VPS13B: variants seen among roughly 807,000 people sequenced by gnomAD.
VPS13B encodes the protein vacuolar protein sorting 13 homolog B, also known as intermembrane lipid transfer protein VPS13B.
A neutral mutation model predicts 426.4 loss-of-function variants in VPS13B; 285 were observed. That is an observed-to-expected ratio of 0.67 (90% CI 0.61 to 0.74). The LOEUF (loss-of-function observed/expected upper bound fraction) is 0.74, where lower values mean the gene tolerates loss of function less well. Ranked by LOEUF, VPS13B falls within the 30% of genes least tolerant of loss-of-function variation. The probability of loss-of-function intolerance (pLI) is 0.00; values close to 1 mark genes in which losing one functional copy is unlikely to be tolerated. For synonymous variants in VPS13B, 1,676 were observed against 1,676.4 expected, an observed-to-expected ratio of 1.00 and a Z score of 0.01; for missense variants, 4,537 against 4,782.6, an observed-to-expected ratio of 0.95 and a Z score of 1.51.
chr8:99,549,209 T>C (rs1361388626), intron 30 of VPS13B, among the ~76,000 whole-genome samples: 1 of 152,148 alleles, frequency 6.6e-6, no homozygotes, highest in African/African-American at 2.4e-5. Context: ...ACCAGCATAC[T>C]GTTAAAACAC....
At chr8:99,063,806 A>G (rs980335634) in intron 3 of VPS13B, among the ~76,000 whole-genome samples, 11 of 152,118 alleles carry the variant, frequency 7.2e-5, no homozygotes, top group African/African-American at 2.7e-4. Flanking sequence ...TAACTGGGAG[A>G]CACCTCCCAG....
chr8:99,336,339 C>T (rs1810865374), intron 19 of VPS13B, among the ~76,000 whole-genome samples: 1 of 152,152 alleles, frequency 6.6e-6, no homozygotes, highest in Non-Finnish European at 1.5e-5. Context: ...GGATCCCTTC[C>T]TTACACCTTA....
At chr8:99,343,694 G>T (rs1458341292) in intron 19 of VPS13B, among the ~76,000 whole-genome samples, 2 of 152,144 alleles carry the variant, frequency 1.3e-5, no homozygotes, top group Non-Finnish European at 2.9e-5. Flanking sequence ...ATTTACAATA[G>T]CAGCAACAAC....
At chr8:99,235,882 A>G (rs933350887) in intron 17 of VPS13B, among the ~76,000 whole-genome samples, 3 of 152,238 alleles carry the variant, frequency 2.0e-5, no homozygotes, top group Non-Finnish European at 4.4e-5. Flanking sequence ...CTTCTACAGT[A>G]GAAAACAATG....
intron 23 of VPS13B, 143 bp downstream of exon 23, chr8:99,442,778 G>A (rs1468862807): frequency 2.6e-6 from 2 of 761,286 alleles, no homozygotes; most frequent in Admixed American, 2.3e-5. Flanking sequence ...TGAACTAAGT[G>A]ATGCCATTTA....
chr8:99,229,226 G>C (rs991943082), intron 17 of VPS13B, among the ~76,000 whole-genome samples: 4 of 152,184 alleles, frequency 2.6e-5, no homozygotes, highest in Non-Finnish European at 5.9e-5. Flanking sequence ...ACCCAGCAGG[G>C]ACCTCTGGAA....
intron 17 of VPS13B, among the ~76,000 whole-genome samples, chr8:99,216,661 AGCT>A (rs1479927364): frequency 5.3e-5 from 8 of 151,470 alleles, no homozygotes; most frequent in Non-Finnish European, 1.5e-5. Flanking sequence ...AGTCACATGT[AGCT>A]ATTGGATACT....
At chr8:99,840,846 A>C (rs953479412) in intron 54 of VPS13B, among the ~76,000 whole-genome samples, 2 of 152,220 alleles carry the variant, frequency 1.3e-5, no homozygotes, top group Non-Finnish European at 2.9e-5. Flanking sequence ...AATTTTTATA[A>C]AGAAAAAAAG....
intron 19 of VPS13B, among the ~76,000 whole-genome samples, chr8:99,302,372 G>A (rs878969896): frequency 1.3e-5 from 2 of 152,182 alleles, no homozygotes; most frequent in South Asian, 2.1e-4. Flanking sequence ...CTAACCTACT[G>A]AACATCAGCT....
intron 19 of VPS13B, among the ~76,000 whole-genome samples, chr8:99,296,407 A>G (rs1820045675): frequency 6.6e-6 from 1 of 152,206 alleles, no homozygotes; most frequent in African/African-American, 2.4e-5. Flanking sequence ...ATATATAGGT[A>G]GGACATATGC....
intron 3 of VPS13B, among the ~76,000 whole-genome samples, chr8:99,050,701 T>G (rs1843495420): frequency 6.6e-6 from 1 of 152,170 alleles, no homozygotes; most frequent in Non-Finnish European, 1.5e-5. Context: ...ACCTGTTGTT[T>G]CCTGACTTTT....
In VPS13B at chr8:99,095,364, C is replaced by T. The variant is rs1224630306; in HGVS notation, c.292-948C>T. On this transcript the variant is annotated intron_variant, in intron 3 of 61. Transcript: ENST00000357162. Reference sequence around the variant, plus strand: ...CATCATTCTTTGTACGTGCTACATACGTTGATACTGTTTTGCTTTTGCTTA... The same window carrying T: ...CATCATTCTTTGTACGTGCTACATATGTTGATACTGTTTTGCTTTTGCTTA... Among the ~76,000 whole-genome samples, 9 of 152,130 alleles carry T rather than the reference C, an allele frequency of 5.9e-5. No homozygotes were observed. In the South Asian group the frequency reaches 6.2e-4, roughly 11 times the overall value.
intron 31 of VPS13B, among the ~76,000 whole-genome samples, chr8:99,565,002 G>A (rs532801676): frequency 2.0e-4 from 30 of 152,282 alleles, no homozygotes; most frequent in African/African-American, 7.0e-4. Flanking sequence ...TGTCTGCCAT[G>A]TGCAGTTTGC....
intron 19 of VPS13B, among the ~76,000 whole-genome samples, chr8:99,327,698 T>C (rs971257352): frequency 6.6e-6 from 1 of 152,198 alleles, no homozygotes; most frequent in Non-Finnish European, 1.5e-5. Context: ...ACTTTACAGA[T>C]GACTAACTTA....
chr8:99,500,837 A>C (rs1821191949), intron 25 of VPS13B, among the ~76,000 whole-genome samples: 1 of 152,194 alleles, frequency 6.6e-6, no homozygotes, highest in African/African-American at 2.4e-5. Context: ...TCTGCATTTG[A>C]GACTGAAGCT....
chr8:99,129,704 G>A (rs1398857317), intron 8 of VPS13B, among the ~76,000 whole-genome samples: 1 of 151,972 alleles, frequency 6.6e-6, no homozygotes, highest in African/African-American at 2.4e-5. Flanking sequence ...GTTAAGTACC[G>A]TCCTTTCTGG....
At chr8:99,456,267 C>T (rs926375251) in intron 23 of VPS13B, among the ~76,000 whole-genome samples, 4 of 152,122 alleles carry the variant, frequency 2.6e-5, no homozygotes, top group Non-Finnish European at 5.9e-5. Context: ...CTCCTGGGTT[C>T]AAGTGATTCT....
chr8:99,738,572 T>C (rs1833937131), intron 39 of VPS13B, among the ~76,000 whole-genome samples: 1 of 152,244 alleles, frequency 6.6e-6, no homozygotes, highest in Admixed American at 6.5e-5. Context: ...AAGATGGTCT[T>C]GAAGAATCAA....
At chr8:99,186,820 G>T (rs1290118501) in intron 16 of VPS13B, among the ~76,000 whole-genome samples, 1 of 152,024 alleles carries the variant, frequency 6.6e-6, no homozygotes, top group Non-Finnish European at 1.5e-5. Context: ...ATTAAGGAGA[G>T]AATTTTTCCC....
Sources: gnomAD v4.1 joint callset for allele counts (sites outside exome capture counted in the v4.1 genomes callset) on GRCh38, gnomAD v4.1.1 for gene constraint, MANE v1.5 for transcripts, NCBI Gene and HGNC (gene_info 2026-07-23, HGNC 2026-07-21) for gene names.